The following NAV2 variants were observed in gnomAD, a reference collection of about 807,000 sequenced individuals.
The protein encoded by NAV2 is neuron navigator 2.
Under a neutral mutation model 223.2 loss-of-function variants are expected in NAV2, and 54 were observed. That is an observed-to-expected ratio of 0.24 (90% CI 0.19 to 0.30). The LOEUF (loss-of-function observed/expected upper bound fraction) is 0.30. Ranked by LOEUF, NAV2 falls within the 10% of genes least tolerant of loss-of-function variation. The pLI, the probability that NAV2 is intolerant of heterozygous loss-of-function variation, is 1.00. For synonymous variants in NAV2, 1,279 were observed against 1,239.3 expected, an observed-to-expected ratio of 1.03 and a Z score of -0.67; for missense variants, 2,806 against 3,147.5, an observed-to-expected ratio of 0.89 and a Z score of 2.60.
chr11:19,765,369 C>CT (rs2055119331), intron 1 of NAV2, among the ~76,000 whole-genome samples: 1 of 147,706 alleles, frequency 6.8e-6, no homozygotes, highest in African/African-American at 2.5e-5. Context: ...TCCTCCTCAT[C>CT]TTCCCTTCTT....
chr11:19,696,112 T>C lies in NAV2; in HGVS notation c.76-136372T>C, dbSNP rs576777456. On this transcript the variant is annotated intron_variant, in intron 1 of 37. Transcript: ENST00000360655. ...CCCCCATAACCTTCTCCTCCATACA[T>C]AGAAATGCTCTCCTGGTTTTTTCGG... Among the ~76,000 whole-genome samples the C allele has an allele frequency of 4.6e-5, 7 of 151,792 alleles. No individual in the cohort carries two copies. The East Asian group carries it at 1.4e-3, about 29-fold the overall frequency.
intron 22 of NAV2, among the ~76,000 whole-genome samples, chr11:20,069,186 G>C (rs1328696457): frequency 2.0e-5 from 3 of 152,056 alleles, no homozygotes; most frequent in Admixed American, 2.0e-4. Flanking sequence ...GCTAGGTAGG[G>C]GAGAATGCAT....
At chr11:19,410,008 T>G (rs1210216283) in intron 1 of NAV2, among the ~76,000 whole-genome samples, 1 of 152,156 alleles carries the variant, frequency 6.6e-6, no homozygotes. Flanking sequence ...CCTGGTCTAC[T>G]GTAAACAGGA....
At chr11:20,041,141 G>C (rs759033998) in intron 12 of NAV2, among the ~76,000 whole-genome samples, 42 of 152,262 alleles carry the variant, frequency 2.8e-4, no homozygotes, top group Middle Eastern at 6.8e-3. Context: ...TATGGAAGGA[G>C]AATCTGCTGG....
Position 20,101,168 on chromosome 11 carries a change from G to A in NAV2, c.6413G>A (p.Ser2138Asn), listed in dbSNP as rs141598920. 6.2e-6 allele frequency: 10 copies of A among 1,609,610 alleles called. No individual in the cohort carries two copies. The African/African-American group carries it at 1.1e-4, about 17-fold the overall frequency. Reference sequence around the variant, plus strand: ...ACCTTTAACGTGGACCATAAGTCCAGCAAGGTGAGGAGGTCATTCTGAGTC... The same window carrying A: ...ACCTTTAACGTGGACCATAAGTCCAACAAGGTGAGGAGGTCATTCTGAGTC... The part of the protein sequence containing the change: ...IATFNVDHKS[S>N]KELRQYLSNL... Residue 2138 changes from serine to asparagine, a missense_variant, in exon 32 of 38, where the codon AGC (serine) becomes AAC (asparagine). By Grantham distance (46) the Ser-to-Asn change is conservative (BLOSUM62 1). Around this residue, in one of 4 missense-constraint regions of NAV2, gnomAD observed 824 missense variants for 1,069.4 expected, o/e 0.77. Transcript: ENST00000349880.
chr11:19,561,054 G>A (rs1472460892), intron 1 of NAV2, among the ~76,000 whole-genome samples: 1 of 152,212 alleles, frequency 6.6e-6, no homozygotes, highest in Admixed American at 6.5e-5. Context: ...GTTAAGACCA[G>A]TGTTCTTCTG....
Position 20,092,307 on chromosome 11 carries a change from C to G in NAV2, c.5754C>G (p.Ser1918=). The G allele has an allele frequency of 6.2e-7, 1 of 1,614,040 alleles. No homozygotes were observed. The change falls in exon 28 of 38, where the codon TCC becomes TCG. Residue 1918 remains serine (S), a synonymous_variant. Coordinates refer to ENST00000349880, the MANE Select transcript of NAV2 (RefSeq NM_145117.5). The part of the protein sequence containing the change: ...RAPSQVSISA[S]PRQSMGLSQH... Reference sequence around the variant, plus strand: ...CTTCCCAAGTGTCCATCTCTGCCTCCCCGAGGCAGTCCATGGGCCTCTCCC... The same window carrying G: ...CTTCCCAAGTGTCCATCTCTGCCTCGCCGAGGCAGTCCATGGGCCTCTCCC...
rs559995838 is a variant in NAV2, at chr11:19,958,951, A to C, written c.2645+9871A>C. Among the ~76,000 whole-genome samples, 3 of 152,368 alleles carry C rather than the reference A, an allele frequency of 2.0e-5. No homozygotes were observed. In the South Asian group the frequency reaches 6.2e-4, roughly 32 times the overall value. ...TGGGTAAGGCCAGGGCCAGGGGAACAGATGCACAATGAGTTTAAAGACACT... is the reference window on the plus strand; with the variant it reads ...TGGGTAAGGCCAGGGCCAGGGGAACCGATGCACAATGAGTTTAAAGACACT... On this transcript the variant is annotated intron_variant, in intron 10 of 37. Transcript: ENST00000349880.
intron 1 of NAV2, among the ~76,000 whole-genome samples, chr11:19,772,812 C>A (rs1258846185): frequency 6.6e-6 from 1 of 152,228 alleles, no homozygotes; most frequent in East Asian, 1.9e-4. Context: ...TGGCCGGCCC[C>A]CACCGTGTCT....
In NAV2 at chr11:19,454,035, C is replaced by T. The variant is rs538618114; in HGVS notation, c.75+103008C>T. Among the ~76,000 whole-genome samples, 25 of 152,286 alleles carry T rather than the reference C, an allele frequency of 1.6e-4. No homozygotes were observed. In the South Asian group the frequency reaches 3.7e-3, roughly 23 times the overall value. On this transcript the variant is annotated intron_variant, in intron 1 of 37. Coordinates refer to the NAV2 transcript ENST00000360655. The stretch of plus-strand genomic sequence containing the variant: ...CCGCCTTGGACGTAGATTCTGCTCA[C>T]GGAGATGTGCTGGCTCCAATGAAAC...
At chr11:19,622,263 C>G (rs1241216645) in intron 1 of NAV2, among the ~76,000 whole-genome samples, 2 of 152,166 alleles carry the variant, frequency 1.3e-5, no homozygotes, top group African/African-American at 4.8e-5. Flanking sequence ...CTGTAGATGT[C>G]TATTAGGTCT....
chr11:20,118,229 T>A lies in NAV2; in HGVS notation c.7261T>A (p.Leu2421Met). ...CAGCAACAGCCATCACGATGACATC[T>A]TGGACTCCTCTTTGGAGTCCACTCT... ...SNSNSHHDDI[L>M]DSSLESTL Residue 2421 changes from leucine (L) to methionine (M), a missense_variant, in exon 38 of 38, where the codon TTG becomes ATG. Coordinates refer to ENST00000349880, the MANE Select transcript of NAV2 (RefSeq NM_145117.5). The A allele has an allele frequency of 1.2e-6, 2 of 1,614,076 alleles. No homozygotes were observed. Among genetic ancestry groups the A allele is most frequent in the Non-Finnish European group, 1.7e-6 (2 of 1,179,984 alleles).
intron 14 of NAV2, among the ~76,000 whole-genome samples, chr11:20,047,234 T>G (rs921123290): frequency 6.6e-6 from 1 of 152,236 alleles, no homozygotes; most frequent in Non-Finnish European, 1.5e-5. Flanking sequence ...ACTAGACCCT[T>G]AGGCTAGTGT....
At chr11:19,484,700 C>T (rs1423305459) in intron 1 of NAV2, among the ~76,000 whole-genome samples, 1 of 152,190 alleles carries the variant, frequency 6.6e-6, no homozygotes, top group African/African-American at 2.4e-5. Flanking sequence ...AGCCCCTGAG[C>T]CCCCAGCTCT....
chr11:19,905,796 A>G (rs1038095632), intron 6 of NAV2, among the ~76,000 whole-genome samples: 2 of 152,126 alleles, frequency 1.3e-5, no homozygotes, highest in African/African-American at 2.4e-5. Context: ...CACAATTTGA[A>G]CCATTTCAGG....
At chr11:19,875,791 A>G (rs2153073084) in intron 4 of NAV2, among the ~76,000 whole-genome samples, 1 of 152,332 alleles carries the variant, frequency 6.6e-6, no homozygotes, top group Admixed American at 6.5e-5. Context: ...AAAGATTACC[A>G]TTGAGTTTTC....
In NAV2 at chr11:20,118,530, C is replaced by A; in HGVS notation, c.*272C>A. The A allele has an allele frequency of 3.5e-6, 1 of 289,624 alleles. No individual in the cohort carries two copies. The highest frequency in any genetic ancestry group is 5.2e-5 in the Admixed American group (1 of 19,290). 17.9% of individuals were successfully genotyped at this position (289,624 alleles called of 1,614,324 possible). On this transcript the variant is annotated 3_prime_UTR_variant, in exon 38 of 38. Transcript: ENST00000349880. ...TTGTTGCTGTGACCTCCCTAAGACA[C>A]TGAAGATACTTCTCGGGAAAGGATC... is the stretch of plus-strand genomic sequence containing the variant.
chr11:19,567,050 A>C (rs1467548998), intron 1 of NAV2, among the ~76,000 whole-genome samples: 2 of 152,238 alleles, frequency 1.3e-5, no homozygotes, highest in Non-Finnish European at 2.9e-5. Flanking sequence ...TGGATGATGG[A>C]GGGCTGTTTC....
intron 1 of NAV2, among the ~76,000 whole-genome samples, chr11:19,484,019 G>A (rs546417237): frequency 2.0e-5 from 3 of 152,070 alleles, no homozygotes; most frequent in Non-Finnish European, 2.9e-5. Flanking sequence ...TGTGCTCCGC[G>A]TGCCTTCTTG....
Sources: allele counts gnomAD v4.1 joint callset (sites outside exome capture counted in the v4.1 genomes callset), GRCh38; gene constraint gnomAD v4.1.1; regional missense constraint gnomAD v4.1.1; transcripts MANE v1.5; gene names NCBI Gene and HGNC (gene_info 2026-07-23, HGNC 2026-07-21).